OPCML: variants seen among roughly 807,000 people sequenced by gnomAD.
OPCML encodes opioid-binding protein/cell adhesion molecule.
OPCML carries 13 observed loss-of-function variants against 37.8 expected under a neutral mutation model. That is an observed-to-expected ratio of 0.34 (90% CI 0.22 to 0.55). The LOEUF (loss-of-function observed/expected upper bound fraction) is 0.55. Among genes scored for constraint, OPCML ranks in the 20% least tolerant of loss-of-function variants. OPCML has a pLI of 0.91. For synonymous variants in OPCML, 176 were observed against 168.8 expected, an observed-to-expected ratio of 1.04 and a Z score of -0.33; for missense variants, 341 against 435.6, an observed-to-expected ratio of 0.78 and a Z score of 1.93.
At chr11:133,373,376 A>C (rs1362628217) in intron 1 of OPCML, among the ~76,000 whole-genome samples, 2 of 149,232 alleles carry the variant, frequency 1.3e-5, no homozygotes, top group Admixed American at 1.3e-4. Flanking sequence ...CAGCCTGGGC[A>C]ATGCGGTGAA....
chr11:133,015,154 A>G (rs1237326843), intron 1 of OPCML, among the ~76,000 whole-genome samples: 2 of 152,208 alleles, frequency 1.3e-5, no homozygotes, highest in African/African-American at 4.8e-5. Flanking sequence ...AATACCAGAT[A>G]GATAGGCAGG....
At chr11:133,463,720 G>A (rs1209971187) in intron 1 of OPCML, among the ~76,000 whole-genome samples, 3 of 152,102 alleles carry the variant, frequency 2.0e-5, no homozygotes, top group East Asian at 1.9e-4. Context: ...TGGGTACTTC[G>A]AATTTAGCTG....
chr11:133,118,005 GT>G (rs1214094022), intron 1 of OPCML: 6 of 898,986 alleles, frequency 6.7e-6, no homozygotes, highest in Non-Finnish European at 8.0e-6. Flanking sequence ...AGCAGCTTTT[GT>G]TTTCAACCTG....
intron 1 of OPCML, among the ~76,000 whole-genome samples, chr11:133,042,164 T>C (rs1947914224): frequency 6.6e-6 from 1 of 152,136 alleles, no homozygotes; most frequent in South Asian, 2.1e-4. Context: ...GAAGGCAGGC[T>C]CCTGGCACTG....
intron 1 of OPCML, among the ~76,000 whole-genome samples, chr11:133,012,631 T>G (rs1257454503): frequency 6.6e-6 from 1 of 152,124 alleles, no homozygotes; most frequent in Admixed American, 6.5e-5. Flanking sequence ...ATCCCAGCAC[T>G]TTGGGAGGCC....
chr11:132,705,764 C>G (rs941827677), intron 2 of OPCML, among the ~76,000 whole-genome samples: 3 of 152,112 alleles, frequency 2.0e-5, no homozygotes, highest in Non-Finnish European at 4.4e-5. Context: ...GCCTGCAGAA[C>G]TGTGAACCTA....
chr11:132,502,354 T>C (rs1175959745), intron 4 of OPCML, among the ~76,000 whole-genome samples: 2 of 152,190 alleles, frequency 1.3e-5, no homozygotes, highest in African/African-American at 4.8e-5. Flanking sequence ...TTCTTCACCC[T>C]TGCATCCTCT....
At chr11:132,669,442 T>C (rs940448007) in intron 2 of OPCML, among the ~76,000 whole-genome samples, 3 of 152,116 alleles carry the variant, frequency 2.0e-5, no homozygotes, top group Non-Finnish European at 4.4e-5. Context: ...AGGGTCTTAC[T>C]CCCAACCCAA....
intron 2 of OPCML, among the ~76,000 whole-genome samples, chr11:132,748,882 C>T (rs1945737825): frequency 7.9e-5 from 12 of 152,128 alleles, no homozygotes; most frequent in Admixed American, 7.9e-4. Context: ...GGTGAAGGAG[C>T]TCCATGTGCA....
chr11:132,994,167 C>G (rs1483274496), intron 1 of OPCML, among the ~76,000 whole-genome samples: 1 of 152,180 alleles, frequency 6.6e-6, no homozygotes, highest in Non-Finnish European at 1.5e-5. Flanking sequence ...ATTGTTAGTC[C>G]GAATGTAAAT....
At chr11:133,479,655 A>G (rs1329796251) in intron 1 of OPCML, among the ~76,000 whole-genome samples, 1 of 152,152 alleles carries the variant, frequency 6.6e-6, no homozygotes, top group Non-Finnish European at 1.5e-5. Flanking sequence ...TGACCCTGCC[A>G]CTGCTCACAC....
intron 4 of OPCML, among the ~76,000 whole-genome samples, chr11:132,515,266 T>C (rs191973730): frequency 1.5e-4 from 23 of 152,172 alleles, no homozygotes; most frequent in African/African-American, 5.3e-4. Context: ...GAAAATTTGA[T>C]AGAATAAGAA....
chr11:132,564,258 A>G (rs2096417237), intron 3 of OPCML, among the ~76,000 whole-genome samples: 1 of 152,204 alleles, frequency 6.6e-6, no homozygotes, highest in Non-Finnish European at 1.5e-5. Flanking sequence ...TTATCTTATG[A>G]AATGAAGTGC....
At chr11:132,989,602 CGTGTGTGTGTGTGTGTGT>C (rs72145712) in intron 1 of OPCML, among the ~76,000 whole-genome samples, 8,069 of 139,552 alleles carry the variant, frequency 0.058, 494 homozygotes, top group East Asian at 0.26. Context: ...GGTCCTAGAG[CGTGTGTGTGTGTGTGTGT>C]GTGTGTGTGT....
chr11:133,506,083 CCTATTTT>C (rs1387985807), intron 1 of OPCML, among the ~76,000 whole-genome samples: 1 of 152,202 alleles, frequency 6.6e-6, no homozygotes, highest in African/African-American at 2.4e-5. Context: ...GATATTTCTT[CCTATTTT>C]CTAAATGTCC....
At chr11:132,616,902 G>C (rs1267532480) in intron 3 of OPCML, among the ~76,000 whole-genome samples, 1 of 152,206 alleles carries the variant, frequency 6.6e-6, no homozygotes, top group Non-Finnish European at 1.5e-5. Flanking sequence ...GTGCAATGTG[G>C]ATGTTTGCTC....
chr11:133,126,238 G>T (rs1407260005), intron 1 of OPCML, among the ~76,000 whole-genome samples: 2 of 152,008 alleles, frequency 1.3e-5, no homozygotes, highest in East Asian at 1.9e-4. Context: ...GAGCATTAAG[G>T]TTCCAGGTCT....
intron 1 of OPCML, among the ~76,000 whole-genome samples, chr11:133,073,634 T>C (rs1234774887): frequency 6.6e-6 from 1 of 152,242 alleles, no homozygotes; most frequent in Non-Finnish European, 1.5e-5. Context: ...CGTGCAGACC[T>C]GTGCCTGCCA....
At chr11:133,340,604 CTCTCTGTGTGTGTG>C (rs1266400094) in intron 1 of OPCML, among the ~76,000 whole-genome samples, 1,399 of 106,076 alleles carry the variant, frequency 0.013, 21 homozygotes, top group African/African-American at 0.057. Context: ...AATTAAGACT[CTCTCTGTGTGTGTG>C]TGTGTGTGTG....
Sources: gnomAD v4.1 joint callset for allele counts (sites outside exome capture counted in the v4.1 genomes callset) on GRCh38, gnomAD v4.1.1 for gene constraint, MANE v1.5 for transcripts, NCBI Gene and HGNC (gene_info 2026-07-23, HGNC 2026-07-21) for gene names.